Variants in PREP observed in about 807,000 individuals in gnomAD.
The protein encoded by PREP is prolyl endopeptidase, also known as dJ355L5.1 (prolyl endopeptidase).
Under a neutral mutation model 87.6 loss-of-function variants are expected in PREP, and 29 were observed. The observed-to-expected ratio is 0.33, with a 90% CI of 0.25 to 0.45. PREP has a LOEUF of 0.45. Ranked by LOEUF, PREP falls within the 20% of genes least tolerant of loss-of-function variation. PREP has a pLI of 1.00. For synonymous variants in PREP, 337 were observed against 328.6 expected (o/e 1.03, Z -0.28); for missense variants, 695 against 886.5 (o/e 0.78, Z 2.74).
intron 10 of PREP, among the ~76,000 whole-genome samples, chr6:105,311,835 A>G (rs1190059): frequency 0.087 from 13,317 of 152,214 alleles, 1,922 homozygotes; most frequent in African/African-American, 0.3. Context: ...CCATACATAG[A>G]CATAAATGAA....
intron 10 of PREP, chr6:105,302,837 G>T (rs978206444): frequency 2.8e-5 from 10 of 360,714 alleles, no homozygotes; most frequent in African/African-American, 2.2e-4. Flanking sequence ...TGCACAGGCC[G>T]CCCCCGCCGC....
intron 10 of PREP, among the ~76,000 whole-genome samples, chr6:105,318,842 C>T (rs1583052504): frequency 6.6e-6 from 1 of 152,230 alleles, no homozygotes; most frequent in Admixed American, 6.5e-5. Context: ...GACACTGCCA[C>T]TCGTTCACTA....
At chr6:105,395,336 G>A (rs865917992) in intron 2 of PREP, among the ~76,000 whole-genome samples, 23 of 152,102 alleles carry the variant, frequency 1.5e-4, no homozygotes, top group African/African-American at 5.3e-4. Context: ...ATTTTTTAAT[G>A]TGTAATTGAT....
chr6:105,332,408 G>A (rs1374561429), intron 8 of PREP, among the ~76,000 whole-genome samples: 1 of 152,156 alleles, frequency 6.6e-6, no homozygotes, highest in East Asian at 1.9e-4. Context: ...GGATCTGCCT[G>A]ACTCTAAGAC....
rs1162063177 is a variant in PREP at position 105,349,898 on chromosome 6, T to TAAAAAA, written c.823+3068_823+3073dup. ...AGGATAACAAAATTGGGGAAGCAGGTAAAAAAAAAAAAAAAAAAAAAAAAG... is the reference window on the plus strand; with the variant it reads ...AGGATAACAAAATTGGGGAAGCAGGTAAAAAAAAAAAAAAAAAAAAAAAAAAAAAAG... On this transcript the variant is annotated intron_variant, in intron 7 of 14. Transcript: ENST00000652536. 3.1e-3 allele frequency among the ~76,000 whole-genome samples: 185 copies of TAAAAAA among 59,414 alleles called. 3 individuals are homozygous for TAAAAAA. Among genetic ancestry groups the TAAAAAA allele is most frequent in the African/African-American group, 9.3e-3 (179 of 19,260 alleles). 39.0% of individuals were successfully genotyped at this position (59,414 alleles called of 152,430 possible). A position where few individuals can be genotyped will look rare whatever the true frequency, so the allele number is the denominator to read the frequency against.
chr6:105,295,203 C>G (rs1770384580), intron 10 of PREP, among the ~76,000 whole-genome samples: 1 of 145,142 alleles, frequency 6.9e-6, no homozygotes, highest in Non-Finnish European at 1.5e-5. Flanking sequence ...GCATCCCTCT[C>G]TGCCTCTGGC....
chr6:105,329,154 C>T (rs1771254196), intron 8 of PREP, 128 bp from the exon 9 acceptor site: 36 of 827,284 alleles, frequency 4.4e-5, no homozygotes, highest in South Asian at 3.6e-5. Context: ...GTCACTTTTA[C>T]ATTTTTTTTT....
chr6:105,360,537 A>G (rs1772219120), intron 6 of PREP, among the ~76,000 whole-genome samples: 2 of 152,188 alleles, frequency 1.3e-5, no homozygotes, highest in African/African-American at 4.8e-5. Context: ...TCCATTAACA[A>G]TTCTACTGTG....
At chr6:105,344,099 T>C (rs1192968435) in intron 7 of PREP, among the ~76,000 whole-genome samples, 1 of 152,164 alleles carries the variant, frequency 6.6e-6, no homozygotes, top group African/African-American at 2.4e-5. Flanking sequence ...CTATTCACAA[T>C]AGCAAAGAAT....
At chr6:105,303,680 T>C (rs1341756964) in intron 10 of PREP, among the ~76,000 whole-genome samples, 7 of 152,170 alleles carry the variant, frequency 4.6e-5, no homozygotes, top group Admixed American at 4.6e-4. Flanking sequence ...CAAATGGCCA[T>C]TCATTGCATT....
intron 11 of PREP, among the ~76,000 whole-genome samples, chr6:105,288,324 C>G (rs9500078): frequency 0.027 from 4,064 of 152,154 alleles, 192 homozygotes; most frequent in African/African-American, 0.094. Flanking sequence ...TAATCCTGCC[C>G]GTCTATGAAA....
chr6:105,402,845 AC>A lies in PREP; in HGVS notation c.45+1del. The A allele has an allele frequency of 6.5e-7, 1 of 1,543,012 alleles. No homozygotes were observed. The highest frequency in any genetic ancestry group is 8.8e-7 in the Non-Finnish European group (1 of 1,142,568). On this transcript the variant is annotated splice_donor_variant, in intron 1 of 14. Transcript: ENST00000652536. LOFTEE classifies it high-confidence loss of function. ...CCTCTGGGCGGAGGCAGAGATACTT[AC>A]GGCGGTCTCGTCGCGGTACACGTCG... is the stretch of plus-strand genomic sequence containing the variant.
Position 105,288,779 on chromosome 6 carries a change from A to G in PREP, c.1433T>C (p.Ile478Thr), listed in dbSNP as rs1464443484. 1 of 1,614,136 alleles carries G rather than the reference A, an allele frequency of 6.2e-7. No homozygotes were observed. Among genetic ancestry groups the G allele is most frequent in the South Asian group, 1.1e-5 (1 of 91,084 alleles). ...TCACCTGTAGTTGGGTGTGATGGAT[A>G]TGTTGAAGCCGCCATAGCCATATAA... ...AFLYGYGGFNISITPNYSVSR... is the reference protein window; with the variant it reads ...AFLYGYGGFNTSITPNYSVSR... Residue 478 changes from isoleucine (I) to threonine (T), a missense_variant, in exon 11 of 15, where the codon ATA becomes ACA. Physicochemically the swap from Ile to Thr is moderately conservative, Grantham distance 89. Transcript: ENST00000652536.
chr6:105,343,298 T>C (rs1317621897), intron 7 of PREP, among the ~76,000 whole-genome samples: 1 of 152,166 alleles, frequency 6.6e-6, no homozygotes, highest in Non-Finnish European at 1.5e-5. Context: ...ATTTAATAAA[T>C]GGTGCTGGGA....
chr6:105,314,075 TA>T (rs1562195963), intron 10 of PREP, among the ~76,000 whole-genome samples: 1 of 152,144 alleles, frequency 6.6e-6, no homozygotes, highest in Non-Finnish European at 1.5e-5. Context: ...CCAGTACATA[TA>T]AAAGCTGTTT....
chr6:105,402,173 C>A (rs1773448578), intron 1 of PREP, among the ~76,000 whole-genome samples: 1 of 152,144 alleles, frequency 6.6e-6, no homozygotes. Context: ...GACCTCCTCT[C>A]ACCCTCTCTC....
intron 2 of PREP, among the ~76,000 whole-genome samples, chr6:105,384,562 C>T (rs148782391): frequency 6.6e-6 from 1 of 152,294 alleles, no homozygotes; most frequent in African/African-American, 2.4e-5. Flanking sequence ...ATGCTAACTC[C>T]CTTCCACGTT....
At chr6:105,333,569 T>C (rs1562203936) in intron 7 of PREP, 64 bp from the exon 8 acceptor site, 1 of 1,505,890 alleles carries the variant, frequency 6.6e-7, no homozygotes, top group Non-Finnish European at 9.2e-7. Context: ...GCTTTGTGTG[T>C]AGGGAGGGGA....
intron 9 of PREP, among the ~76,000 whole-genome samples, chr6:105,327,701 C>T (rs1025157009): frequency 3.9e-5 from 6 of 152,276 alleles, no homozygotes; most frequent in East Asian, 1.9e-4. Context: ...AATGACCAAA[C>T]GACTGCAGCA....
Sources: gnomAD v4.1 joint callset for allele counts (sites outside exome capture counted in the v4.1 genomes callset) on GRCh38, gnomAD v4.1.1 for gene constraint, MANE v1.5 for transcripts, NCBI Gene and HGNC (gene_info 2026-07-23, HGNC 2026-07-21) for gene names.